SRFBP1: variants seen among roughly 807,000 people sequenced by gnomAD.
SRFBP1 encodes serum response factor binding protein 1.
A neutral mutation model predicts 45.5 loss-of-function variants in SRFBP1; 47 were observed. That is an observed-to-expected ratio of 1.03 (90% CI 0.82 to 1.32). The LOEUF (loss-of-function observed/expected upper bound fraction) is 1.32. Ranked by LOEUF, SRFBP1 falls within the 40% of genes most tolerant of loss-of-function variation. The probability of loss-of-function intolerance (pLI) is 0.00; values close to 1 mark genes in which losing one functional copy is unlikely to be tolerated. For missense variants in SRFBP1, 621 were observed against 484.6 expected (o/e 1.28, Z -2.64); for synonymous variants, 203 against 166.3 (o/e 1.22, Z -1.70).
chr5:122,063,136 C>T (rs1049806198), intron 2 of SRFBP1: 2 of 151,880 alleles, frequency 1.3e-5, no homozygotes, highest in South Asian at 2.1e-4. Flanking sequence ...TGGCTTATAA[C>T]ATTTCAACTA....
At chr5:122,052,582 T>G (rs2152578159) in intron 2 of SRFBP1, among the ~76,000 whole-genome samples, 1 of 152,306 alleles carries the variant, frequency 6.6e-6, no homozygotes, top group Non-Finnish European at 1.5e-5. Context: ...TTGCAGTGTG[T>G]TTTTCAGCTC....
chr5:122,069,730 G>A (rs1331614455), intron 2 of SRFBP1, among the ~76,000 whole-genome samples: 1 of 151,896 alleles, frequency 6.6e-6, no homozygotes, highest in Non-Finnish European at 1.5e-5. Context: ...CAACTACTGG[G>A]GCTTCTACAA....
intron 3 of SRFBP1, among the ~76,000 whole-genome samples, chr5:121,987,698 A>G (rs994906054): frequency 1.3e-5 from 2 of 152,170 alleles, no homozygotes; most frequent in Admixed American, 1.3e-4. Flanking sequence ...AATTTTGATC[A>G]CACTTTGGAA....
chr5:121,977,828 G>A (rs1272367876), intron 3 of SRFBP1, among the ~76,000 whole-genome samples: 1 of 151,678 alleles, frequency 6.6e-6, no homozygotes, highest in Non-Finnish European at 1.5e-5. Flanking sequence ...GGCCAACTAA[G>A]AAAAAAAATT....
At chr5:121,985,348 T>C (rs1261182663) in intron 3 of SRFBP1, among the ~76,000 whole-genome samples, 2 of 151,734 alleles carry the variant, frequency 1.3e-5, no homozygotes, top group Admixed American at 6.6e-5. Flanking sequence ...TTTTTTCTTT[T>C]TTACATTGTA....
At position 122,020,807 on chromosome 5, in the gene SRFBP1, G is replaced by A. The variant is rs747180225; in HGVS notation, c.1067+5G>A. ...TGGATCTAAAAGCTCTAGAAGGTAA[G>A]ATTCTTTTTCTATTCTGAAATAATC... On this transcript the variant is annotated splice_donor_5th_base_variant and intron_variant, in intron 6 of 7. Transcript: ENST00000339397. The A allele has an allele frequency of 2.0e-6, 3 of 1,535,266 alleles. No homozygotes were observed. The highest frequency in any genetic ancestry group is 2.6e-6 in the Non-Finnish European group (3 of 1,147,498).
At chr5:121,964,111 T>C (rs1380054990) in intron 1 of SRFBP1, among the ~76,000 whole-genome samples, 1 of 152,192 alleles carries the variant, frequency 6.6e-6, no homozygotes, top group Non-Finnish European at 1.5e-5. Flanking sequence ...ATCTTTTCAA[T>C]TCTTTTCCAT....
At chr5:122,075,366 A>G in exon 3 of SRFBP1, 1 of 1,541,278 alleles carries the variant, frequency 6.5e-7, no homozygotes, top group Non-Finnish European at 8.7e-7. Context: ...GAGAAATGAA[A>G]AGCAACCCAA....
At chr5:121,997,432 T>G (rs1752753412) in intron 4 of SRFBP1, among the ~76,000 whole-genome samples, 1 of 151,724 alleles carries the variant, frequency 6.6e-6, no homozygotes, top group Non-Finnish European at 1.5e-5. Flanking sequence ...CCCTATTTAA[T>G]AAATGGTGCT....
At chr5:122,010,202 A>C (rs566670006) in intron 4 of SRFBP1, among the ~76,000 whole-genome samples, 2 of 152,268 alleles carry the variant, frequency 1.3e-5, no homozygotes, top group South Asian at 4.1e-4. Context: ...GGCAAATTAG[A>C]GGAAGGTTCA....
chr5:122,046,298 T>G (rs1324440099), intron 2 of SRFBP1, among the ~76,000 whole-genome samples: 3 of 152,172 alleles, frequency 2.0e-5, no homozygotes, highest in Non-Finnish European at 4.4e-5. Flanking sequence ...CAGGCGGTGT[T>G]TGGTTTTTTG....
chr5:121,969,545 T>C (rs1428829065), intron 1 of SRFBP1, among the ~76,000 whole-genome samples: 1 of 152,070 alleles, frequency 6.6e-6, no homozygotes, highest in Admixed American at 6.6e-5. Context: ...ACTTCCACTT[T>C]ATTTATAGTA....
chr5:121,973,029 A>C lies in SRFBP1; in HGVS notation c.37-1167A>C, dbSNP rs74980750. On this transcript the variant is annotated intron_variant, in intron 1 of 7. Coordinates refer to ENST00000339397, the MANE Select transcript of SRFBP1 (RefSeq NM_152546.3). ...GGGAGTGAATGACATGAAGGGTAAG[A>C]GAAGATATTAATTAAATGGAAGAGC... 5.1e-3 allele frequency among the ~76,000 whole-genome samples: 781 copies of C among 152,064 alleles called. 19 individuals carry two copies. The East Asian group carries it at 0.053, about 10-fold the overall frequency.
chr5:121,986,295 A>G (rs1002216639), intron 3 of SRFBP1, among the ~76,000 whole-genome samples: 1 of 152,040 alleles, frequency 6.6e-6, no homozygotes, highest in Non-Finnish European at 1.5e-5. Flanking sequence ...AGACTTATTC[A>G]TTAGATTTAG....
chr5:122,003,680 A>G (rs769142871), intron 4 of SRFBP1, among the ~76,000 whole-genome samples: 5 of 152,220 alleles, frequency 3.3e-5, no homozygotes, highest in African/African-American at 1.2e-4. Context: ...CCATCCAACA[A>G]TGTATAAGAG....
intron 2 of SRFBP1, among the ~76,000 whole-genome samples, chr5:122,043,791 A>C (rs764306092): frequency 6.6e-6 from 1 of 152,220 alleles, no homozygotes; most frequent in Admixed American, 6.5e-5. Flanking sequence ...CAGCTACTCA[A>C]CTCTGGTATT....
At chr5:121,998,108 G>A (rs6595338) in intron 4 of SRFBP1, among the ~76,000 whole-genome samples, 112,311 of 150,826 alleles carry the variant, frequency 0.74, 42,972 homozygotes, top group East Asian at 0.88. Context: ...TCAGTGTGGC[G>A]ATTCCTCAGG....
In SRFBP1 at chr5:121,994,679, G is replaced by A. The variant is rs138383964; in HGVS notation, c.270+9G>A. 2.0e-6 allele frequency: 3 copies of A among 1,532,608 alleles called. No individual in the cohort carries two copies. The highest frequency in any genetic ancestry group is 2.8e-5 in the African/African-American group (2 of 71,910). The allele number at this position is 1,532,608 out of a possible 1,614,324, so 94.9% of individuals were successfully genotyped here. On this transcript the variant is annotated intron_variant, in intron 4 of 7. Coordinates refer to ENST00000339397, the MANE Select transcript of SRFBP1 (RefSeq NM_152546.3). ...AAAAAATCTTCAAAAAGGTATATCT[G>A]CAATAGATTATATTTGTCTTATGAA...
At chr5:122,006,888 T>G (rs941825978) in intron 4 of SRFBP1, among the ~76,000 whole-genome samples, 1 of 152,108 alleles carries the variant, frequency 6.6e-6, no homozygotes, top group South Asian at 2.1e-4. Flanking sequence ...TTTGTCATTC[T>G]GTTCTATATC....
Sources: allele counts gnomAD v4.1 joint callset (sites outside exome capture counted in the v4.1 genomes callset), GRCh38; gene constraint gnomAD v4.1.1; transcripts MANE v1.5; gene names NCBI Gene and HGNC (gene_info 2026-07-23, HGNC 2026-07-21).